BRWD1: variants seen among roughly 807,000 people sequenced by gnomAD.
The protein encoded by BRWD1 is bromodomain and WD repeat domain containing 1, also known as bromodomain and WD repeat-containing protein 1.
A neutral mutation model predicts 251.2 loss-of-function variants in BRWD1; 82 were observed. That is an observed-to-expected ratio of 0.33 (90% CI 0.27 to 0.39). The LOEUF is 0.39. BRWD1 is among the 10% of genes least tolerant of loss of function. BRWD1 has a pLI of 1.00. For synonymous variants in BRWD1, 918 were observed against 902.8 expected (o/e 1.02, Z -0.30); for missense variants, 2,233 against 2,711.6 (o/e 0.82, Z 3.92).
intron 21 of BRWD1, among the ~76,000 whole-genome samples, chr21:39,245,553 C>T (rs1213832595): frequency 6.6e-6 from 1 of 151,654 alleles, no homozygotes; most frequent in Non-Finnish European, 1.5e-5. Context: ...CAAAACATTA[C>T]TCAGTCAGGA....
intron 5 of BRWD1, chr21:39,296,599 A>G (rs2035968470): frequency 3.6e-6 from 4 of 1,097,796 alleles, no homozygotes; most frequent in Non-Finnish European, 4.5e-6. Flanking sequence ...ACAATTCACA[A>G]AGTGCTTTCA....
In BRWD1 at chr21:39,313,576, T is replaced by G; in HGVS notation, c.-85A>C. The G allele has an allele frequency of 5.2e-6, 6 of 1,148,640 alleles. No homozygotes were observed. The South Asian group carries it at 1.8e-4, about 35-fold the overall frequency. The allele number at this position is 1,148,640 out of a possible 1,614,324, so 71.2% of individuals were successfully genotyped here. On this transcript the variant is annotated 5_prime_UTR_variant, in exon 1 of 41. Coordinates refer to ENST00000342449, the MANE Select transcript of BRWD1 (RefSeq NM_033656.4). ...GAGGCCTGACCGGGCTGGCGTCCCC[T>G]CTTCTCAGGCGCGCGCCGCCGCCGC...
rs2035975722 is a variant in BRWD1, at chr21:39,296,899, G to A, written c.350-536C>T. The stretch of plus-strand genomic sequence containing the variant: ...AGCTTTTATAAGGAAAAAGTTCTTT[G>A]ATTTATATGAAAATTCATGACTTGT... On this transcript the variant is annotated intron_variant, in intron 5 of 40. Coordinates refer to ENST00000342449, the MANE Select transcript of BRWD1 (RefSeq NM_033656.4). The A allele has an allele frequency of 5.1e-6, 5 of 983,846 alleles. No individual in the cohort carries two copies. In the South Asian group the frequency reaches 1.4e-4, roughly 28 times the overall value. 60.9% of individuals were successfully genotyped at this position (983,846 alleles called of 1,614,324 possible).
chr21:39,273,595 C>T (rs1601434666), intron 13 of BRWD1, among the ~76,000 whole-genome samples: 1 of 152,000 alleles, frequency 6.6e-6, no homozygotes, highest in African/African-American at 2.4e-5. Flanking sequence ...ATTAGCCAGG[C>T]ATGGTGGCTC....
At chr21:39,299,599 T>A (rs941146533) in intron 4 of BRWD1, among the ~76,000 whole-genome samples, 2 of 152,064 alleles carry the variant, frequency 1.3e-5, no homozygotes, top group Admixed American at 6.6e-5. Flanking sequence ...CTTTAAAAAA[T>A]GTATAAACCC....
rs373451049 is a variant in BRWD1 at position 39,202,534 on chromosome 21, G to A, written c.4376C>T (p.Pro1459Leu). The A allele has an allele frequency of 1.5e-5, 24 of 1,607,704 alleles. No individual in the cohort carries two copies. Among genetic ancestry groups the A allele is most frequent in the Middle Eastern group, 1.7e-4 (1 of 6,032 alleles). ...TTTTGTCTGAGATTTTAACCTCTTC[G>A]GCTTGAGGTTTCTGGCCAAACATAT... is the stretch of plus-strand genomic sequence containing the variant. Reference protein sequence around the residue: ...QPNKSIRNLKPKRLKSQTKII... With the variant: ...QPNKSIRNLKLKRLKSQTKII... The change falls in exon 38 of 41, where the codon CCG (proline) becomes CTG (leucine). Residue 1459 changes from proline to leucine, a missense_variant. This residue lies in a region of BRWD1 where 928 missense variants were observed against 970.0 expected (regional missense o/e 0.96). Coordinates refer to ENST00000342449, the MANE Select transcript of BRWD1 (RefSeq NM_033656.4).
intron 7 of BRWD1, among the ~76,000 whole-genome samples, chr21:39,294,297 A>G (rs578012102): frequency 1.3e-5 from 2 of 152,266 alleles, no homozygotes; most frequent in South Asian, 4.1e-4. Flanking sequence ...TTTTCCCCCA[A>G]GTTCTCTGCA....
In BRWD1 at chr21:39,232,278, A is replaced by G; in HGVS notation, c.2899T>C (p.Tyr967His). 3 of 1,611,110 alleles carry G rather than the reference A, an allele frequency of 1.9e-6. No individual in the cohort carries two copies. Among genetic ancestry groups the G allele is most frequent in the Non-Finnish European group, 1.7e-6 (2 of 1,178,784 alleles). ...FVPQMGDEVI[Y>H]FRQGHEAYIE... is the part of the protein sequence containing the mutation. The stretch of plus-strand genomic sequence containing the variant: ...TAAGCTTCATGACCCTGTCGAAAAT[A>G]TATTACCTACAAAAGGGAAATATGC... Residue 967 changes from tyrosine to histidine, a missense_variant, in exon 25 of 41, where the codon TAT becomes CAT. Transcript: ENST00000342449.
Position 39,198,688 on chromosome 21 carries a change from G to T in BRWD1, c.5653+75C>A, listed in dbSNP as rs528689301. On this transcript the variant is annotated intron_variant, in intron 40 of 40. Transcript: ENST00000342449. ...AGTTTCAAGGGAAACTTTTTCGGGG[G>T]GAAAAAACCAATGTGTGTAAGAGAA... The T allele has an allele frequency of 7.0e-5, 95 of 1,347,898 alleles. 3 individuals are homozygous for T. In the African/African-American group the frequency reaches 1.3e-3, roughly 19 times the overall value. The allele number at this position is 1,347,898 out of a possible 1,614,324, so 83.5% of individuals were successfully genotyped here. A position where few individuals can be genotyped will look rare whatever the true frequency, so the allele number is the denominator to read the frequency against.
At chr21:39,267,545 G>T (rs1292281654) in intron 15 of BRWD1, among the ~76,000 whole-genome samples, 1 of 152,026 alleles carries the variant, frequency 6.6e-6, no homozygotes, top group African/African-American at 2.4e-5. Context: ...CTTGCAGTGA[G>T]CCGAGACCAC....
intron 34 of BRWD1, among the ~76,000 whole-genome samples, chr21:39,211,509 C>A (rs1451079431): frequency 6.6e-6 from 1 of 152,068 alleles, no homozygotes; most frequent in Non-Finnish European, 1.5e-5. Context: ...AACAAGGTGA[C>A]CTGGAGCCAA....
At chr21:39,291,712 C>T (rs530607291) in intron 8 of BRWD1, among the ~76,000 whole-genome samples, 1 of 139,290 alleles carries the variant, frequency 7.2e-6, no homozygotes, top group Admixed American at 7.5e-5. Flanking sequence ...CTAAAACCTT[C>T]GCCCAGAGGG....
chr21:39,216,956 G>GTGTGTGTT (rs1178401917), intron 31 of BRWD1: 2 of 143,078 alleles, frequency 1.4e-5, no homozygotes, highest in African/African-American at 5.2e-5. Context: ...AAAGGCCCTA[G>GTGTGTGTT]TGTGTGTTGT....
At position 39,255,845 on chromosome 21, in the gene BRWD1, G is replaced by A. The variant is rs1057229350; in HGVS notation, c.2072-17C>T. On this transcript the variant is annotated splice_polypyrimidine_tract_variant and intron_variant, in intron 18 of 40. Coordinates refer to ENST00000342449, the MANE Select transcript of BRWD1 (RefSeq NM_033656.4). The stretch of plus-strand genomic sequence containing the variant: ...TTCTAAAACCTAGGAAAATATGATG[G>A]GGAAGTGATTCCAATACACTTTTAA... The A allele has an allele frequency of 1.2e-6, 2 of 1,608,480 alleles. No homozygotes were observed. The highest frequency in any genetic ancestry group is 1.7e-6 in the Non-Finnish European group (2 of 1,175,060).
rs1359892178 is a variant in BRWD1, at chr21:39,204,936, G to A, written c.4364+1172C>T. On this transcript the variant is annotated intron_variant, in intron 37 of 40. Transcript: ENST00000342449. ...TACTGTGTGGCCCAGTCTACACAGG[G>A]AGCAGGTGCTGGGGACTCCGACTCT... Among the ~76,000 whole-genome samples, 5 of 152,270 alleles carry A rather than the reference G, an allele frequency of 3.3e-5. 1 individual carries two copies. In the South Asian group the frequency reaches 8.3e-4, roughly 25 times the overall value.
At chr21:39,286,721 G>A (rs778625916) in intron 8 of BRWD1, among the ~76,000 whole-genome samples, 1 of 150,526 alleles carries the variant, frequency 6.6e-6, no homozygotes, top group African/African-American at 2.4e-5. Context: ...TCATTATGTT[G>A]GTCAGGCTGG....
chr21:39,314,403 G>C (rs2036648822), upstream of BRWD1: 3 of 450,186 alleles, frequency 6.7e-6, no homozygotes, highest in African/African-American at 4.0e-5. Context: ...GGCTCGGCTG[G>C]ATCCATCCAA....
At chr21:39,288,647 T>C (rs763471165) in intron 8 of BRWD1, among the ~76,000 whole-genome samples, 13 of 152,316 alleles carry the variant, frequency 8.5e-5, no homozygotes, top group South Asian at 2.1e-4. Flanking sequence ...GCCTCACCAA[T>C]TGCATGAACA....
rs1192758238 is a variant in BRWD1, at chr21:39,194,925, T to A, written c.*1334A>T. Reference sequence around the variant, plus strand: ...CTTACAGGTGGGGTACTGTAACATATCCCTTACCCACTAAATATGTAAACC... The same window carrying A: ...CTTACAGGTGGGGTACTGTAACATAACCCTTACCCACTAAATATGTAAACC... On this transcript the variant is annotated 3_prime_UTR_variant, in exon 41 of 41. Coordinates refer to ENST00000342449, the MANE Select transcript of BRWD1 (RefSeq NM_033656.4). The A allele has an allele frequency of 2.7e-6, 4 of 1,490,160 alleles. No individual in the cohort carries two copies. Among genetic ancestry groups the A allele is most frequent in the Non-Finnish European group, 2.7e-6 (3 of 1,126,082 alleles). 92.3% of individuals were successfully genotyped at this position (1,490,160 alleles called of 1,614,324 possible).
Sources: allele counts gnomAD v4.1 joint callset (sites outside exome capture counted in the v4.1 genomes callset), GRCh38; gene constraint gnomAD v4.1.1; regional missense constraint gnomAD v4.1.1; transcripts MANE v1.5; gene names NCBI Gene and HGNC (gene_info 2026-07-23, HGNC 2026-07-21).